The following SLC25A26 variants were observed in gnomAD, a reference collection of about 807,000 sequenced individuals.
The protein encoded by SLC25A26 is solute carrier family 25 member 26, also known as mitochondrial S-adenosylmethionine carrier protein.
A neutral mutation model predicts 37.8 loss-of-function variants in SLC25A26; 36 were observed. The ratio of observed to expected loss-of-function variants is 0.95; its 90% CI spans 0.73 to 1.26. SLC25A26 has a LOEUF of 1.26. SLC25A26 is among the 50% of genes most tolerant of loss of function. The probability of loss-of-function intolerance (pLI) is 0.00; values close to 1 mark genes in which losing one functional copy is unlikely to be tolerated. For synonymous variants in SLC25A26, 129 were observed against 122.5 expected (o/e 1.05, Z -0.35); for missense variants, 390 against 331.1 (o/e 1.18, Z -1.38).
At chr3:66,253,027 C>CCT (rs1316602599) in intron 3 of SLC25A26, among the ~76,000 whole-genome samples, 1 of 140,246 alleles carries the variant, frequency 7.1e-6, no homozygotes, top group Non-Finnish European at 1.5e-5. Context: ...AATAATGCCC[C>CCT]CCCCCCCCCA....
intron 3 of SLC25A26, 44 bp from the exon 4 acceptor site, chr3:66,262,007 A>T (rs746200661): frequency 1.7e-6 from 2 of 1,190,494 alleles, no homozygotes; most frequent in Non-Finnish European, 2.4e-6. Context: ...CAATTTTTAT[A>T]GCAGTTATTT....
intron 1 of SLC25A26, among the ~76,000 whole-genome samples, chr3:66,143,745 G>T (rs2070072383): frequency 2.0e-5 from 3 of 152,120 alleles, no homozygotes; most frequent in Non-Finnish European, 2.9e-5. Flanking sequence ...TTAGCTGGGG[G>T]TGGTGGTACA....
At chr3:66,259,542 A>G (rs115870253) in intron 3 of SLC25A26, among the ~76,000 whole-genome samples, 401 of 152,200 alleles carry the variant, frequency 2.6e-3, no homozygotes, top group Non-Finnish European at 3.9e-3. Context: ...GAAGCATCTT[A>G]CTGTCTCCCT....
At chr3:66,141,179 A>T (rs562898092) in intron 1 of SLC25A26, among the ~76,000 whole-genome samples, 3 of 150,950 alleles carry the variant, frequency 2.0e-5, no homozygotes, top group African/African-American at 7.3e-5. Flanking sequence ...AGTTGTTAGC[A>T]TTGGGGGAAA....
intron 1 of SLC25A26, among the ~76,000 whole-genome samples, chr3:66,135,062 C>A (rs942361661): frequency 1.3e-5 from 2 of 151,998 alleles, no homozygotes; most frequent in Non-Finnish European, 2.9e-5. Flanking sequence ...AACTCCTGAC[C>A]CCAGGTGATC....
intron 1 of SLC25A26, among the ~76,000 whole-genome samples, chr3:66,203,375 C>T (rs36130749): frequency 0.2 from 30,064 of 151,050 alleles, 3,899 homozygotes; most frequent in African/African-American, 0.33. Context: ...GAGTGAGACC[C>T]TGTCTCAAAA....
chr3:66,235,782 ATGTT>A (rs1204126139), intron 1 of SLC25A26, among the ~76,000 whole-genome samples: 1 of 152,236 alleles, frequency 6.6e-6, no homozygotes, highest in Non-Finnish European at 1.5e-5. Context: ...ATGCTTATAT[ATGTT>A]TAAAGTAACT....
chr3:66,354,488 T>C (rs2076530500), intron 6 of SLC25A26, among the ~76,000 whole-genome samples: 1 of 152,258 alleles, frequency 6.6e-6, no homozygotes, highest in Non-Finnish European at 1.5e-5. Flanking sequence ...CTCTCTTTTA[T>C]GTTTTATAAG....
intron 1 of SLC25A26, among the ~76,000 whole-genome samples, chr3:66,134,795 G>A (rs1031670905): frequency 1.6e-4 from 25 of 151,664 alleles, no homozygotes; most frequent in Non-Finnish European, 1.5e-5. Context: ...TTTGACAGTT[G>A]TCATCCTTTG....
chr3:66,159,711 C>G (rs2070331051), intron 1 of SLC25A26, among the ~76,000 whole-genome samples: 2 of 152,144 alleles, frequency 1.3e-5, no homozygotes, highest in African/African-American at 4.8e-5. Context: ...CTCGAAAAGC[C>G]TGATAGATCT....
chr3:66,274,819 C>A (rs2074079062), intron 5 of SLC25A26, among the ~76,000 whole-genome samples: 1 of 152,080 alleles, frequency 6.6e-6, no homozygotes, highest in Non-Finnish European at 1.5e-5. Context: ...TAAACTAGTT[C>A]AACCATTGTG....
chr3:66,312,106 C>G (rs941375081), intron 5 of SLC25A26, among the ~76,000 whole-genome samples: 2 of 152,184 alleles, frequency 1.3e-5, no homozygotes, highest in Non-Finnish European at 2.9e-5. Context: ...GCCTGTTCCC[C>G]CAGGTGCCCT....
intron 1 of SLC25A26, among the ~76,000 whole-genome samples, chr3:66,186,941 G>T (rs2070840395): frequency 6.6e-6 from 1 of 151,560 alleles, no homozygotes; most frequent in African/African-American, 2.4e-5. Flanking sequence ...CCTCTACTTG[G>T]CCCTAACCTT....
intron 1 of SLC25A26, among the ~76,000 whole-genome samples, chr3:66,221,603 T>C (rs2106872037): frequency 6.6e-6 from 1 of 152,078 alleles, no homozygotes; most frequent in Middle Eastern, 3.4e-3. Flanking sequence ...CAATACATAA[T>C]CTGCTATTTC....
chr3:66,340,065 T>G (rs939258752), intron 5 of SLC25A26, among the ~76,000 whole-genome samples: 2 of 152,114 alleles, frequency 1.3e-5, no homozygotes, highest in East Asian at 3.8e-4. Context: ...CTCATTCTTT[T>G]CCATCTGGAC....
intron 1 of SLC25A26, among the ~76,000 whole-genome samples, chr3:66,207,132 C>T (rs2071191797): frequency 6.6e-6 from 1 of 152,048 alleles, no homozygotes; most frequent in African/African-American, 2.4e-5. Context: ...TAGATGGATA[C>T]AGGACCACAT....
At chr3:66,277,036 A>G (rs571298203) in intron 5 of SLC25A26, among the ~76,000 whole-genome samples, 3 of 151,928 alleles carry the variant, frequency 2.0e-5, no homozygotes, top group African/African-American at 7.2e-5. Flanking sequence ...ACCTGAATGG[A>G]TAAATTTGTG....
At chr3:66,351,280 T>C (rs1202882770) in intron 6 of SLC25A26, among the ~76,000 whole-genome samples, 1 of 152,196 alleles carries the variant, frequency 6.6e-6, no homozygotes, top group Non-Finnish European at 1.5e-5. Flanking sequence ...GTTTTTCTTT[T>C]CTTTATTATA....
At chr3:66,215,871 A>T (rs1473486158) in intron 1 of SLC25A26, among the ~76,000 whole-genome samples, 2 of 152,224 alleles carry the variant, frequency 1.3e-5, no homozygotes, top group Non-Finnish European at 2.9e-5. Flanking sequence ...CTGACTAGTT[A>T]ATTTGTAAAG....
Sources: gnomAD v4.1 joint callset for allele counts (sites outside exome capture counted in the v4.1 genomes callset) on GRCh38, gnomAD v4.1.1 for gene constraint, MANE v1.5 for transcripts, NCBI Gene and HGNC (gene_info 2026-07-23, HGNC 2026-07-21) for gene names.